Variants in PUM3 observed in about 807,000 individuals in gnomAD.
The protein encoded by PUM3 is pumilio homolog 3.
In PUM3, 91 loss-of-function variants were observed where a neutral mutation model predicts 84.0. The ratio of observed to expected loss-of-function variants is 1.08; its 90% confidence interval spans 0.91 to 1.29. The LOEUF (loss-of-function observed/expected upper bound fraction) is 1.29. PUM3 is among the 50% of genes most tolerant of loss of function. PUM3 has a pLI of 0.00. For missense variants in PUM3, 1,067 were observed against 767.5 expected (o/e 1.39, Z -4.61); for synonymous variants, 321 against 266.7 (o/e 1.20, Z -1.98).
chr9:2,804,252 C>A lies in PUM3; in HGVS notation c.*79G>T. The A allele has an allele frequency of 7.0e-7, 1 of 1,436,038 alleles. No individual in the cohort carries two copies. The highest frequency in any genetic ancestry group is 9.6e-7 in the Non-Finnish European group (1 of 1,046,018). The allele number at this position is 1,436,038 out of a possible 1,614,324, so 89.0% of individuals were successfully genotyped here. On this transcript the variant is annotated 3_prime_UTR_variant, in exon 18 of 18. Coordinates refer to ENST00000397885, the MANE Select transcript of PUM3 (RefSeq NM_014878.5). The stretch of plus-strand genomic sequence containing the variant: ...TACCCCAATTACCAGTATGGTGGAC[C>A]CTACCCCTTCTTTTCTGCATTGGGA...
chr9:2,824,747 G>T lies in PUM3; in HGVS notation c.1104C>A (p.Ala368=). 1 of 1,583,006 alleles carries T rather than the reference G, an allele frequency of 6.3e-7. No individual in the cohort carries two copies. Among genetic ancestry groups the T allele is most frequent in the Non-Finnish European group, 8.6e-7 (1 of 1,160,198 alleles). ...LAHTHDGARV[A]MHCLWHGTPK... ...GCGTGCCATGCCACAGGCAGTGCAT[G>T]GCCACTCTGGCGCCATCGTGTGTGT... The change falls in exon 11 of 18, where the codon GCC becomes GCA. Residue 368 remains alanine, a synonymous_variant. Coordinates refer to ENST00000397885, the MANE Select transcript of PUM3 (RefSeq NM_014878.5).
intron 14 of PUM3, among the ~76,000 whole-genome samples, chr9:2,811,948 G>A (rs1821384417): frequency 1.3e-5 from 2 of 151,918 alleles, no homozygotes; most frequent in South Asian, 4.2e-4. Context: ...ATGTGGTATC[G>A]GTAGCTTTGA....
intron 3 of PUM3, among the ~76,000 whole-genome samples, chr9:2,835,949 G>A (rs1346096728): frequency 1.3e-5 from 2 of 152,096 alleles, no homozygotes; most frequent in African/African-American, 4.8e-5. Context: ...AACTCCAGTA[G>A]AGAAAGAAAG....
chr9:2,807,738 T>A, intron 17 of PUM3, 76 bp downstream of exon 17: 1 of 927,442 alleles, frequency 1.1e-6, no homozygotes, highest in Non-Finnish European at 1.7e-6. Context: ...ATATTAGAAC[T>A]GAGAAATCAA....
intron 1 of PUM3, among the ~76,000 whole-genome samples, chr9:2,843,749 T>G (rs1816330940): frequency 6.6e-6 from 1 of 151,832 alleles, no homozygotes; most frequent in African/African-American, 2.4e-5. Context: ...CGGCTAATTT[T>G]TTGTAGTTTT....
chr9:2,829,724 G>T, intron 8 of PUM3, 50 bp downstream of exon 8: 2 of 1,499,604 alleles, frequency 1.3e-6, no homozygotes, highest in South Asian at 1.2e-5. Context: ...AGTTAAGGAA[G>T]AGCATATCGA....
intron 10 of PUM3, among the ~76,000 whole-genome samples, chr9:2,825,198 C>T (rs368798581): frequency 5.9e-4 from 90 of 152,214 alleles, no homozygotes; most frequent in African/African-American, 2.0e-3. Flanking sequence ...AAAGAAAATG[C>T]TCTTCCCCAA....
chr9:2,817,081 T>C (rs1472458091), intron 13 of PUM3, among the ~76,000 whole-genome samples: 1 of 152,210 alleles, frequency 6.6e-6, no homozygotes, highest in Non-Finnish European at 1.5e-5. Flanking sequence ...TTCTGCTAAG[T>C]GCCTTAGAGA....
At chr9:2,827,792 C>T (rs1416114874) in intron 9 of PUM3, among the ~76,000 whole-genome samples, 1 of 152,190 alleles carries the variant, frequency 6.6e-6, no homozygotes, top group East Asian at 1.9e-4. Context: ...GAACAACCAA[C>T]CCATTTAATC....
chr9:2,832,489 T>C (rs1332507891), intron 5 of PUM3, among the ~76,000 whole-genome samples: 1 of 152,252 alleles, frequency 6.6e-6, no homozygotes, highest in South Asian at 2.1e-4. Context: ...AAATAATCAA[T>C]AAAGAAGTTA....
chr9:2,817,089 A>G (rs535596848), intron 13 of PUM3, among the ~76,000 whole-genome samples: 57 of 152,362 alleles, frequency 3.7e-4, no homozygotes, highest in African/African-American at 1.3e-3. Flanking sequence ...AGTGCCTTAG[A>G]GAAACTTAAC....
intron 8 of PUM3, 44 bp from the exon 9 acceptor site, chr9:2,828,822 T>G: frequency 2.8e-6 from 3 of 1,068,692 alleles, no homozygotes; most frequent in Non-Finnish European, 4.3e-6. Flanking sequence ...ATTTAATCAA[T>G]TTTTTCACTT....
At position 2,804,170 on chromosome 9, in the gene PUM3, T is replaced by A. The variant is rs1216033751; in HGVS notation, c.*161A>T. On this transcript the variant is annotated 3_prime_UTR_variant, in exon 18 of 18. Coordinates refer to ENST00000397885, the MANE Select transcript of PUM3 (RefSeq NM_014878.5). ...GCTGAGATTTTTAAAAAAGACCATT[T>A]AAAAAAACAATTTATATAAATAGAT... is the stretch of plus-strand genomic sequence containing the variant. The A allele has an allele frequency of 2.0e-5, 13 of 658,990 alleles. No individual in the cohort carries two copies. The highest frequency in any genetic ancestry group is 3.4e-5 in the South Asian group (1 of 29,404). 40.8% of individuals were successfully genotyped at this position (658,990 alleles called of 1,614,324 possible).
At chr9:2,822,615 A>T (rs897690956) in intron 12 of PUM3, among the ~76,000 whole-genome samples, 1 of 151,254 alleles carries the variant, frequency 6.6e-6, no homozygotes, top group Admixed American at 6.6e-5. Flanking sequence ...TTCTATTAAC[A>T]TTCTAGTTTT....
At position 2,830,961 on chromosome 9, in the gene PUM3, C is replaced by A. The variant is rs775662366; in HGVS notation, c.677+1G>T. 7.2e-7 allele frequency: 1 copy of A among 1,380,852 alleles called. No homozygotes were observed. The highest frequency in any genetic ancestry group is 1.0e-6 in the Non-Finnish European group (1 of 977,132). 85.5% of individuals were successfully genotyped at this position (1,380,852 alleles called of 1,614,324 possible). ...TGTATTTTATACATAAAACAACTTA[C>A]CCATACATGAGAAATTTCTTAACAA... On this transcript the variant is annotated splice_donor_variant, in intron 7 of 17. Coordinates refer to ENST00000397885, the MANE Select transcript of PUM3 (RefSeq NM_014878.5). LOFTEE classifies it high-confidence loss of function.
At chr9:2,827,025 C>T (rs772075415) in intron 10 of PUM3, 48 bp downstream of exon 10, 3 of 1,462,404 alleles carry the variant, frequency 2.1e-6, no homozygotes, top group African/African-American at 2.8e-5. Flanking sequence ...AATTTCTACA[C>T]CGCTCCTCCT....
chr9:2,820,841 A>G (rs1821574479), intron 12 of PUM3, among the ~76,000 whole-genome samples: 1 of 152,236 alleles, frequency 6.6e-6, no homozygotes, highest in African/African-American at 2.4e-5. Flanking sequence ...AATTATTTCC[A>G]TGATGCTAAT....
chr9:2,837,915 T>C (rs552600135), intron 2 of PUM3, among the ~76,000 whole-genome samples: 8 of 152,266 alleles, frequency 5.3e-5, no homozygotes, highest in Non-Finnish European at 1.0e-4. Context: ...AAATTATTTA[T>C]CAAAAACTTT....
chr9:2,818,190 C>A (rs1477155414), intron 13 of PUM3, among the ~76,000 whole-genome samples: 3 of 152,194 alleles, frequency 2.0e-5, no homozygotes, highest in Non-Finnish European at 4.4e-5. Flanking sequence ...GGGCAATTAG[C>A]ATTCCAGAAT....
Sources: allele counts gnomAD v4.1 joint callset (sites outside exome capture counted in the v4.1 genomes callset), GRCh38; gene constraint gnomAD v4.1.1; transcripts MANE v1.5; gene names NCBI Gene and HGNC (gene_info 2026-07-23, HGNC 2026-07-21).